The following SGCD variants were observed in gnomAD, a reference collection of about 807,000 sequenced individuals.
SGCD encodes delta-sarcoglycan.
In SGCD, 18 loss-of-function variants were observed where a neutral mutation model predicts 36.6. The observed-to-expected ratio is 0.49, with a 90% confidence interval of 0.34 to 0.73. SGCD has a LOEUF of 0.73. Ranked by LOEUF, SGCD falls within the 30% of genes least tolerant of loss-of-function variation. The probability of loss-of-function intolerance (pLI) is 0.01; values close to 1 mark genes in which losing one functional copy is unlikely to be tolerated. For synonymous variants in SGCD, 133 were observed against 130.6 expected (o/e 1.02, Z -0.12); for missense variants, 387 against 346.7 (o/e 1.12, Z -0.92).
At chr5:156,318,997 GC>G (rs1332658707) in intron 3 of SGCD, among the ~76,000 whole-genome samples, 1 of 152,178 alleles carries the variant, frequency 6.6e-6, no homozygotes, top group African/African-American at 2.4e-5. Flanking sequence ...GTCTCTTTAT[GC>G]TTTTTATTTC....
intron 1 of SGCD, among the ~76,000 whole-genome samples, chr5:155,913,803 T>C (rs1285657203): frequency 6.6e-6 from 1 of 152,216 alleles, no homozygotes; most frequent in Non-Finnish European, 1.5e-5. Context: ...AGGCATGGCC[T>C]GATTTGAGTG....
At chr5:156,712,068 A>G (rs966479987) in intron 7 of SGCD, among the ~76,000 whole-genome samples, 3 of 152,072 alleles carry the variant, frequency 2.0e-5, no homozygotes, top group Non-Finnish European at 2.9e-5. Context: ...TTTCCTTGCC[A>G]TCTTGGTTTT....
At chr5:156,193,534 C>G (rs1360761829) in intron 3 of SGCD, among the ~76,000 whole-genome samples, 1 of 152,170 alleles carries the variant, frequency 6.6e-6, no homozygotes. Context: ...CCTAACATGT[C>G]TACCCTCCTT....
intron 1 of SGCD, among the ~76,000 whole-genome samples, chr5:156,013,998 C>CTTT (rs1190792410): frequency 6.7e-6 from 1 of 148,216 alleles, no homozygotes; most frequent in Non-Finnish European, 1.5e-5. Context: ...ATGCAGCTTA[C>CTTT]TTTTTTTTTT....
chr5:156,015,754 C>A (rs1422611150), intron 1 of SGCD, among the ~76,000 whole-genome samples: 1 of 150,862 alleles, frequency 6.6e-6, no homozygotes, highest in Non-Finnish European at 1.5e-5. Context: ...ATTCATATAT[C>A]ATTCATTCTT....
chr5:156,536,212 A>T (rs755116133), intron 4 of SGCD, among the ~76,000 whole-genome samples: 1 of 152,280 alleles, frequency 6.6e-6, no homozygotes, highest in Non-Finnish European at 1.5e-5. Flanking sequence ...TCCTCCTGAC[A>T]TTCTTATAAG....
intron 3 of SGCD, among the ~76,000 whole-genome samples, chr5:156,408,518 C>T (rs1483573569): frequency 1.3e-5 from 2 of 152,172 alleles, no homozygotes; most frequent in East Asian, 3.9e-4. Context: ...GCCAACACAC[C>T]CAGCTGATTT....
At chr5:156,121,319 T>A (rs1762034989) in intron 2 of SGCD, among the ~76,000 whole-genome samples, 1 of 152,298 alleles carries the variant, frequency 6.6e-6, no homozygotes, top group Admixed American at 6.5e-5. Context: ...ATGACTTCAT[T>A]TCTTTTGCAT....
the SGCD span, among the ~76,000 whole-genome samples, chr5:155,833,762 G>T: frequency 6.6e-6 from 1 of 152,172 alleles, no homozygotes; most frequent in Non-Finnish European, 1.5e-5. Context: ...CATGATGTAT[G>T]AGTACCTGTG....
At chr5:156,606,081 T>G (rs974907290) in intron 6 of SGCD, among the ~76,000 whole-genome samples, 15 of 152,246 alleles carry the variant, frequency 9.9e-5, no homozygotes, top group Non-Finnish European at 2.1e-4. Flanking sequence ...TGGCTTTTGT[T>G]GCCATTGCTT....
chr5:156,232,983 GA>G (rs1765058673), intron 3 of SGCD, among the ~76,000 whole-genome samples: 1 of 152,176 alleles, frequency 6.6e-6, no homozygotes, highest in Admixed American at 6.5e-5. Flanking sequence ...AGCTAGAGAT[GA>G]AAAGCTAGTG....
chr5:156,524,599 AAT>A (rs1222842798), intron 4 of SGCD, among the ~76,000 whole-genome samples: 1 of 151,898 alleles, frequency 6.6e-6, no homozygotes, highest in Non-Finnish European at 1.5e-5. Flanking sequence ...ATGTGGTGAG[AAT>A]ACCTAAGGTC....
chr5:156,165,359 A>G (rs186466101), intron 3 of SGCD, among the ~76,000 whole-genome samples: 4 of 152,244 alleles, frequency 2.6e-5, no homozygotes, highest in East Asian at 1.9e-4. Context: ...AAAAATGAAA[A>G]AAAAGTAAAA....
the SGCD span, among the ~76,000 whole-genome samples, chr5:155,850,141 G>A: frequency 1.3e-5 from 2 of 152,138 alleles, no homozygotes; most frequent in African/African-American, 4.8e-5. Context: ...TGGATTCAAG[G>A]CTTGTATGTA....
intron 1 of SGCD, among the ~76,000 whole-genome samples, chr5:155,898,179 T>C (rs1239940365): frequency 1.3e-5 from 2 of 152,218 alleles, no homozygotes; most frequent in African/African-American, 4.8e-5. Flanking sequence ...AATTACCTTT[T>C]GGTAAATTGT....
intron 1 of SGCD, among the ~76,000 whole-genome samples, chr5:155,983,331 A>T (rs1401615878): frequency 6.6e-6 from 1 of 152,050 alleles, no homozygotes; most frequent in Non-Finnish European, 1.5e-5. Context: ...CAGAGCTCTC[A>T]CTCTATCACC....
At chr5:155,881,761 T>C (rs1265365497) in intron 1 of SGCD, among the ~76,000 whole-genome samples, 1 of 152,240 alleles carries the variant, frequency 6.6e-6, no homozygotes, top group Non-Finnish European at 1.5e-5. Flanking sequence ...TGCTGCCTTA[T>C]CAACAAAGTT....
chr5:155,937,597 T>G (rs926002543), intron 1 of SGCD, among the ~76,000 whole-genome samples: 15 of 152,170 alleles, frequency 9.9e-5, no homozygotes, highest in African/African-American at 3.6e-4. Flanking sequence ...ATATTTGGGA[T>G]AGCTGTTGTG....
intron 3 of SGCD, among the ~76,000 whole-genome samples, chr5:156,287,791 T>C (rs949021275): frequency 2.6e-5 from 4 of 152,076 alleles, no homozygotes; most frequent in African/African-American, 7.2e-5. Flanking sequence ...CCCAGCCCTT[T>C]GTGAGGCTAA....
Sources: allele counts gnomAD v4.1 joint callset (sites outside exome capture counted in the v4.1 genomes callset), GRCh38; gene constraint gnomAD v4.1.1; transcripts MANE v1.5; gene names NCBI Gene and HGNC (gene_info 2026-07-23, HGNC 2026-07-21).